Variants in PTPRB observed in about 807,000 individuals in gnomAD.
PTPRB encodes protein tyrosine phosphatase receptor type B, also known as receptor-type tyrosine-protein phosphatase beta.
Under a neutral mutation model 238.1 loss-of-function variants are expected in PTPRB, and 97 were observed. The observed-to-expected ratio is 0.41, with a 90% CI of 0.35 to 0.48. The LOEUF is 0.48. PTPRB is among the 20% of genes least tolerant of loss of function. The probability of loss-of-function intolerance (pLI) is 0.30; values close to 1 mark genes in which losing one functional copy is unlikely to be tolerated. For synonymous variants in PTPRB, 970 were observed against 995.4 expected, an observed-to-expected ratio of 0.97 and a Z score of 0.48; for missense variants, 2,292 against 2,681.9, an observed-to-expected ratio of 0.85 and a Z score of 3.21.
chr12:70,573,379 G>A (rs987079994), intron 11 of PTPRB, among the ~76,000 whole-genome samples: 1 of 152,036 alleles, frequency 6.6e-6, no homozygotes, highest in African/African-American at 2.4e-5. Flanking sequence ...TATTGTCAAG[G>A]TCCTAGCTTT....
At chr12:70,552,535 A>T (rs1294799851) in intron 21 of PTPRB, among the ~76,000 whole-genome samples, 1 of 151,906 alleles carries the variant, frequency 6.6e-6, no homozygotes, top group African/African-American at 2.4e-5. Context: ...CAATCTATTA[A>T]GAACCTTCAG....
intron 16 of PTPRB, 91 bp downstream of exon 16, chr12:70,562,753 A>T (rs777705159): frequency 4.8e-6 from 7 of 1,453,290 alleles, no homozygotes; most frequent in Non-Finnish European, 4.7e-6. Context: ...CATCCTGAAT[A>T]GAATAGGAAA....
intron 3 of PTPRB, among the ~76,000 whole-genome samples, chr12:70,621,479 G>A (rs1025871229): frequency 4.6e-5 from 7 of 152,132 alleles, no homozygotes; most frequent in Admixed American, 1.3e-4. Flanking sequence ...GAAGAACTAG[G>A]TCACAGGAAA....
chr12:70,528,752 A>G (rs1872753107), intron 32 of PTPRB, among the ~76,000 whole-genome samples: 1 of 152,198 alleles, frequency 6.6e-6, no homozygotes, highest in Non-Finnish European at 1.5e-5. Context: ...TTGAGCACAG[A>G]GTTTGAGTCC....
chr12:70,568,647 A>G (rs1439146346), intron 14 of PTPRB, among the ~76,000 whole-genome samples: 2 of 152,200 alleles, frequency 1.3e-5, no homozygotes, highest in Non-Finnish European at 2.9e-5. Context: ...AGATATGCAG[A>G]TATAGATATA....
intron 30 of PTPRB, 49 bp downstream of exon 30, chr12:70,534,784 C>A: frequency 6.2e-7 from 1 of 1,606,736 alleles, no homozygotes; most frequent in South Asian, 1.1e-5. Context: ...GTTCACAGAT[C>A]TCATTCATCT....
chr12:70,602,889 G>T (rs901669190), intron 4 of PTPRB, among the ~76,000 whole-genome samples: 24 of 152,096 alleles, frequency 1.6e-4, no homozygotes, highest in African/African-American at 5.3e-4. Context: ...ATGTTTAGGG[G>T]TATATGCATC....
Position 70,539,990 on chromosome 12 carries a change from C to A in PTPRB, c.5627G>T (p.Ser1876Ile). The change falls in exon 24 of 34, where the codon AGC becomes ATC. Residue 1876 changes from serine (S) to isoleucine (I), a missense_variant. Around this residue, in one of 4 missense-constraint regions of PTPRB, gnomAD observed 397 missense variants for 502.0 expected, o/e 0.79. Transcript: ENST00000334414. Reference protein sequence around the residue: ...HGRERPSARLSIRRDRPLSVH... With the variant: ...HGRERPSARLIIRRDRPLSVH... ...AGATAATGGTCGATCCCTACGAATG[C>A]TCAGACGGGCAGAGGGTCTTTCTCG... 6.2e-7 allele frequency: 1 copy of A among 1,611,140 alleles called. No individual in the cohort carries two copies. Among genetic ancestry groups the A allele is most frequent in the South Asian group, 1.1e-5 (1 of 91,028 alleles).
intron 2 of PTPRB, among the ~76,000 whole-genome samples, chr12:70,625,452 C>A (rs1050193091): frequency 3.3e-5 from 5 of 151,254 alleles, no homozygotes; most frequent in African/African-American, 1.2e-4. Context: ...ATAATATGAA[C>A]CAAAAAGAAA....
intron 4 of PTPRB, among the ~76,000 whole-genome samples, chr12:70,596,775 G>A (rs1296334399): frequency 1.3e-5 from 2 of 152,154 alleles, no homozygotes; most frequent in East Asian, 3.9e-4. Context: ...CTAGGTTGTA[G>A]ATTGTTGGTG....
chr12:70,636,154 T>A, intron 1 of PTPRB, 88 bp from the exon 2 acceptor site: 1 of 1,240,792 alleles, frequency 8.1e-7, no homozygotes, highest in Non-Finnish European at 1.1e-6. Context: ...ATGAGCTAAA[T>A]AAAATCACTA....
At position 70,563,250 on chromosome 12, in the gene PTPRB, C is replaced by G. The variant is rs944562871; in HGVS notation, c.3905-143G>C. On this transcript the variant is annotated intron_variant, in intron 15 of 33. Coordinates refer to ENST00000334414, the MANE Select transcript of PTPRB (RefSeq NM_001109754.4). ...CAGTAACAATAGGAAAAGCCAAAAG[C>G]ACTTTACAAAAATCTTCATGTTAGA... 3 of 930,356 alleles carry G rather than the reference C, an allele frequency of 3.2e-6. No individual in the cohort carries two copies. The African/African-American group carries it at 5.0e-5, about 16-fold the overall frequency. The allele number at this position is 930,356 out of a possible 1,614,324, so 57.6% of individuals were successfully genotyped here.
chr12:70,556,770 G>A (rs1233563113), intron 18 of PTPRB, among the ~76,000 whole-genome samples: 1 of 152,138 alleles, frequency 6.6e-6, no homozygotes, highest in Non-Finnish European at 1.5e-5. Context: ...GAAGCCAGAG[G>A]GGGAAAAACA....
At chr12:70,557,900 G>A (rs1160412463) in intron 18 of PTPRB, among the ~76,000 whole-genome samples, 1 of 152,178 alleles carries the variant, frequency 6.6e-6, no homozygotes, top group Non-Finnish European at 1.5e-5. Flanking sequence ...TGGCCCGAGA[G>A]GGGTGCACTT....
At chr12:70,588,095 C>CAAAAGAAAAA (rs1882110577) in intron 8 of PTPRB, among the ~76,000 whole-genome samples, 1 of 104,664 alleles carries the variant, frequency 9.6e-6, no homozygotes, top group Non-Finnish European at 1.9e-5. Flanking sequence ...GACTCTGTCT[C>CAAAAGAAAAA]AAAAAAAAAA....
chr12:70,636,703 C>G (rs1000911511), intron 1 of PTPRB, among the ~76,000 whole-genome samples: 1 of 152,218 alleles, frequency 6.6e-6, no homozygotes, highest in South Asian at 2.1e-4. Context: ...TGGAGAGGAG[C>G]ATTTCTCTAT....
intron 31 of PTPRB, 29 bp from the exon 32 acceptor site, chr12:70,532,199 C>T (rs763111654): frequency 9.1e-6 from 14 of 1,535,406 alleles, no homozygotes; most frequent in Non-Finnish European, 1.1e-5. Context: ...GAAGATTGAG[C>T]CTTTTTATTA....
intron 26 of PTPRB, chr12:70,539,421 T>G: frequency 1.7e-6 from 1 of 584,310 alleles, no homozygotes; most frequent in Non-Finnish European, 3.0e-6. Flanking sequence ...TTTGCTGTGT[T>G]ATTCTGGAGC....
chr12:70,631,928 C>A (rs1463543366), intron 2 of PTPRB, among the ~76,000 whole-genome samples: 1 of 152,164 alleles, frequency 6.6e-6, no homozygotes, highest in East Asian at 1.9e-4. Flanking sequence ...AGTCAGGAAA[C>A]AACAGATGCT....
Sources: allele counts gnomAD v4.1 joint callset (sites outside exome capture counted in the v4.1 genomes callset), GRCh38; gene constraint gnomAD v4.1.1; regional missense constraint gnomAD v4.1.1; transcripts MANE v1.5; gene names NCBI Gene and HGNC (gene_info 2026-07-23, HGNC 2026-07-21).